Variants in FTO observed in about 807,000 individuals in gnomAD.
The protein encoded by FTO is FTO alpha-ketoglutarate dependent dioxygenase.
In FTO, 47 loss-of-function variants were observed where a neutral mutation model predicts 63.9. The ratio of observed to expected loss-of-function variants is 0.74; its 90% CI spans 0.58 to 0.94. FTO has a LOEUF of 0.94. FTO is among the 40% of genes least tolerant of loss of function. The pLI, the probability that FTO is intolerant of heterozygous loss-of-function variation, is 0.00. For synonymous variants in FTO, 207 were observed against 224.4 expected (o/e 0.92, Z 0.69); for missense variants, 562 against 618.1 (o/e 0.91, Z 0.96).
Position 53,730,432 on chromosome 16 carries a change from C to T in FTO, c.45+26203C>T, listed in dbSNP as rs1001265772. ...ATTTTTTCTATCCATCCATTTATCT[C>T]TACATTTTTCCAATTATACTGTATA... On this transcript the variant is annotated intron_variant, in intron 1 of 8. Coordinates refer to ENST00000471389, the MANE Select transcript of FTO (RefSeq NM_001080432.3). Among the ~76,000 whole-genome samples, 49 of 151,834 alleles carry T rather than the reference C, an allele frequency of 3.2e-4. 1 individual carries two copies. The highest frequency in any genetic ancestry group is 1.2e-3 in the African/African-American group (49 of 41,406).
chr16:53,821,368 A>G (rs1305164111), intron 2 of FTO, among the ~76,000 whole-genome samples: 2 of 152,194 alleles, frequency 1.3e-5, no homozygotes, highest in African/African-American at 4.8e-5. Flanking sequence ...CTGGGGCCTC[A>G]GGGACTTGCT....
intron 8 of FTO, among the ~76,000 whole-genome samples, chr16:54,086,011 A>G (rs189599396): frequency 6.6e-6 from 1 of 152,326 alleles, no homozygotes; most frequent in East Asian, 1.9e-4. Context: ...CAGGAGGACT[A>G]CTTTAATCCC....
chr16:53,999,474 A>G (rs1408746730), intron 8 of FTO, among the ~76,000 whole-genome samples: 2 of 152,226 alleles, frequency 1.3e-5, no homozygotes, highest in Non-Finnish European at 2.9e-5. Context: ...CTGTGGAGAC[A>G]AGCTGTCATA....
intron 2 of FTO, among the ~76,000 whole-genome samples, chr16:53,818,633 T>C (rs1598741068): frequency 6.6e-6 from 1 of 151,984 alleles, no homozygotes; most frequent in East Asian, 1.9e-4. Flanking sequence ...CCATAAACTT[T>C]TGGCTATCTT....
chr16:53,835,301 A>G (rs1421089), intron 3 of FTO, among the ~76,000 whole-genome samples: 152,012 of 152,306 alleles, frequency 1, 75,860 homozygotes, highest in Middle Eastern at 1. Flanking sequence ...CTCTTTTGTG[A>G]ACTCCTCACG....
At chr16:53,759,508 A>G (rs1269088677) in intron 1 of FTO, among the ~76,000 whole-genome samples, 1 of 152,102 alleles carries the variant, frequency 6.6e-6, no homozygotes, top group Non-Finnish European at 1.5e-5. Context: ...AGCCTGGCCA[A>G]CATGGCAAAA....
intron 1 of FTO, among the ~76,000 whole-genome samples, chr16:53,781,939 GTTTC>G (rs879733912): frequency 6.6e-6 from 1 of 152,138 alleles, no homozygotes; most frequent in Admixed American, 6.5e-5. Flanking sequence ...CTACACCTCA[GTTTC>G]TTTGTTTATG....
At chr16:53,997,879 A>C (rs2143966441) in intron 8 of FTO, among the ~76,000 whole-genome samples, 1 of 152,348 alleles carries the variant, frequency 6.6e-6, no homozygotes, top group Admixed American at 6.5e-5. Context: ...TAAAAGCAGG[A>C]GGTGACTTCC....
chr16:53,723,913 TCA>T (rs1466438972), intron 1 of FTO, among the ~76,000 whole-genome samples: 1 of 152,072 alleles, frequency 6.6e-6, no homozygotes, highest in Non-Finnish European at 1.5e-5. Flanking sequence ...ATAGCAGGAG[TCA>T]CTAATTTGCC....
At chr16:53,752,425 A>C (rs2076820020) in intron 1 of FTO, among the ~76,000 whole-genome samples, 1 of 152,240 alleles carries the variant, frequency 6.6e-6, no homozygotes, top group South Asian at 2.1e-4. Flanking sequence ...CAGCTGATGA[A>C]TGGATAAACC....
chr16:53,755,132 G>C (rs1286532079), intron 1 of FTO, among the ~76,000 whole-genome samples: 1 of 152,188 alleles, frequency 6.6e-6, no homozygotes, highest in Non-Finnish European at 1.5e-5. Flanking sequence ...TCTTGAAAGG[G>C]CTGTAATGAA....
intron 8 of FTO, among the ~76,000 whole-genome samples, chr16:54,009,124 TAGCACCA>T (rs1193059287): frequency 6.6e-6 from 1 of 152,138 alleles, no homozygotes; most frequent in Non-Finnish European, 1.5e-5. Context: ...GAACTCGGCA[TAGCACCA>T]AGCACTGGGT....
At chr16:53,855,052 T>G (rs1413381866) in intron 4 of FTO, among the ~76,000 whole-genome samples, 1 of 151,630 alleles carries the variant, frequency 6.6e-6, no homozygotes, top group Non-Finnish European at 1.5e-5. Context: ...TTTTTAGCTA[T>G]TATCAAAGGG....
intron 8 of FTO, among the ~76,000 whole-genome samples, chr16:54,103,702 C>A (rs578217646): frequency 6.6e-6 from 1 of 152,306 alleles, no homozygotes; most frequent in East Asian, 1.9e-4. Flanking sequence ...GACTGGGTGA[C>A]TATTTACTTG....
chr16:53,911,540 G>A, intron 7 of FTO: 1 of 701,002 alleles, frequency 1.4e-6, no homozygotes, highest in African/African-American at 1.7e-5. Context: ...ATGCATTTGT[G>A]TCATCTGATC....
At chr16:53,839,805 TTATTTATTTATTTA>T (rs1240027812) in intron 3 of FTO, among the ~76,000 whole-genome samples, 26 of 82,154 alleles carry the variant, frequency 3.2e-4, no homozygotes, top group African/African-American at 9.8e-4. Context: ...ATTTATTTAT[TTATTTATTTATTTA>T]TTTTAAGGTG....
At chr16:53,861,022 ATGTT>A (rs1292683951) in intron 4 of FTO, among the ~76,000 whole-genome samples, 10 of 152,302 alleles carry the variant, frequency 6.6e-5, no homozygotes, top group African/African-American at 9.6e-5. Flanking sequence ...GATATATAAA[ATGTT>A]TGTCAATTAT....
At chr16:53,787,016 C>T (rs1049429510) in intron 1 of FTO, among the ~76,000 whole-genome samples, 1 of 140,044 alleles carries the variant, frequency 7.1e-6, no homozygotes, top group Non-Finnish European at 1.5e-5. Context: ...GAGGCTGAGG[C>T]AGGAGAATTG....
intron 4 of FTO, among the ~76,000 whole-genome samples, chr16:53,853,632 G>A (rs745448007): frequency 1.3e-4 from 19 of 151,850 alleles, no homozygotes; most frequent in Non-Finnish European, 2.5e-4. Flanking sequence ...TTTCATCCAC[G>A]TTGCTGCAAA....
Sources: allele counts gnomAD v4.1 joint callset (sites outside exome capture counted in the v4.1 genomes callset), GRCh38; gene constraint gnomAD v4.1.1; transcripts MANE v1.5; gene names NCBI Gene and HGNC (gene_info 2026-07-23, HGNC 2026-07-21).